Variants in HNRNPDL observed in about 807,000 individuals in gnomAD.
The protein encoded by HNRNPDL is heterogeneous nuclear ribonucleoprotein D-like.
HNRNPDL carries 18 observed loss-of-function variants against 48.0 expected under a neutral mutation model. The observed-to-expected ratio is 0.38, with a 90% CI of 0.26 to 0.56. The LOEUF (loss-of-function observed/expected upper bound fraction) is 0.56, where lower values mean the gene tolerates loss of function less well. HNRNPDL is among the 20% of genes least tolerant of loss of function. The probability of loss-of-function intolerance (pLI) is 0.77; values close to 1 mark genes in which losing one functional copy is unlikely to be tolerated. For synonymous variants in HNRNPDL, 306 were observed against 207.3 expected (o/e 1.48, Z -4.09); for missense variants, 553 against 540.7 (o/e 1.02, Z -0.23).
intron 3 of HNRNPDL, 113 bp downstream of exon 3, chr4:82,427,905 A>C (rs528875032): frequency 9.8e-7 from 1 of 1,020,130 alleles, no homozygotes; most frequent in Non-Finnish European, 1.4e-6. Flanking sequence ...CGACTTGAGC[A>C]GTCATTTAAT....
In HNRNPDL at chr4:82,422,999, T is replaced by C. The variant is rs939176129; in HGVS notation, c.*1907A>G. The C allele has an allele frequency of 2.0e-5, 3 of 152,014 alleles. No individual in the cohort carries two copies. Among genetic ancestry groups the C allele is most frequent in the Non-Finnish European group, 4.4e-5 (3 of 67,992 alleles). 9.4% of individuals were successfully genotyped at this position (152,014 alleles called of 1,614,324 possible). ...CTAGGACACTTAGCCTTAGAGTATC[T>C]GTTCAAATTTGCATCAGTTGGTGAA... On this transcript the variant is annotated 3_prime_UTR_variant, in exon 8 of 8. Transcript: ENST00000295470.
At chr4:82,429,215 G>A (rs772115142) in intron 1 of HNRNPDL, 33 bp downstream of exon 1, 65 of 1,600,558 alleles carry the variant, frequency 4.1e-5, no homozygotes, top group Non-Finnish European at 5.2e-5. Context: ...GGCGCGCTGG[G>A]GGAGGGGGAG....
Position 82,423,926 on chromosome 4 carries a change from A to C in HNRNPDL, c.*980T>G, listed in dbSNP as rs771951453. On this transcript the variant is annotated 3_prime_UTR_variant, in exon 8 of 8. Transcript: ENST00000295470. ...TAGATTTACTATCAAGACTTTTTCTAAACTCACAGAGCATTAACAGCTAAT... is the reference window on the plus strand; with the variant it reads ...TAGATTTACTATCAAGACTTTTTCTCAACTCACAGAGCATTAACAGCTAAT... 2 of 152,226 alleles carry C rather than the reference A, an allele frequency of 1.3e-5. No individual in the cohort carries two copies. Among genetic ancestry groups the C allele is most frequent in the African/African-American group, 2.4e-5 (1 of 41,472 alleles). 9.4% of individuals were successfully genotyped at this position (152,226 alleles called of 1,614,324 possible).
intron 3 of HNRNPDL, among the ~76,000 whole-genome samples, 160 bp downstream of exon 3, chr4:82,427,858 C>G (rs1351917959): frequency 2.0e-5 from 3 of 152,210 alleles, no homozygotes; most frequent in Non-Finnish European, 4.4e-5. Context: ...GGGTTTCCAT[C>G]AGAGCAGCAA....
At chr4:82,426,000 A>G in intron 7 of HNRNPDL, 37 bp downstream of exon 7, 1 of 1,245,850 alleles carries the variant, frequency 8.0e-7, no homozygotes, top group African/African-American at 1.5e-5. Flanking sequence ...AAATTAAATT[A>G]GACATTTCTA....
At chr4:82,427,914 A>G (rs897489827) in intron 3 of HNRNPDL, 104 bp downstream of exon 3, 5 of 1,153,148 alleles carry the variant, frequency 4.3e-6, no homozygotes, top group South Asian at 1.5e-5. Context: ...CAGTCATTTA[A>G]TTCTACTCTT....
chr4:82,427,080 C>A, intron 5 of HNRNPDL, 110 bp downstream of exon 5: 2 of 807,592 alleles, frequency 2.5e-6, no homozygotes, highest in Non-Finnish European at 4.3e-6. Flanking sequence ...GTCCCCCCTC[C>A]GCTGGAATGG....
At chr4:82,427,328 A>G (rs763585474) in intron 4 of HNRNPDL, 24 bp from the exon 5 acceptor site, 8 of 1,547,734 alleles carry the variant, frequency 5.2e-6, no homozygotes, top group South Asian at 1.2e-5. Context: ...ACATGAAAGT[A>G]TAATTTTTAC....
chr4:82,429,188 G>T, intron 1 of HNRNPDL, 60 bp downstream of exon 1: 1 of 1,505,074 alleles, frequency 6.6e-7, no homozygotes, highest in South Asian at 1.1e-5. Context: ...GGCTCACGAG[G>T]AACGAAGGGC....
Position 82,422,807 on chromosome 4 carries a change from T to C in HNRNPDL, c.*2099A>G, listed in dbSNP as rs1721236445. On this transcript the variant is annotated 3_prime_UTR_variant, in exon 8 of 8. Coordinates refer to ENST00000295470, the MANE Select transcript of HNRNPDL (RefSeq NM_031372.4). ...GAGGATAACATCACACAGAATTTGG[T>C]CTAAACAATGTAAAAGGCAAATACG... 6.6e-6 allele frequency: 1 copy of C among 152,322 alleles called. No homozygotes were observed. Among genetic ancestry groups the C allele is most frequent in the Non-Finnish European group, 1.5e-5 (1 of 68,030 alleles). 9.4% of individuals were successfully genotyped at this position (152,322 alleles called of 1,614,324 possible). A position where few individuals can be genotyped will look rare whatever the true frequency, so the allele number is the denominator to read the frequency against.
rs1037537699 is a variant in HNRNPDL at position 82,429,294 on chromosome 4, C to A, written c.397G>T (p.Ala133Ser). 1 of 1,613,700 alleles carries A rather than the reference C, an allele frequency of 6.2e-7. No homozygotes were observed. The highest frequency in any genetic ancestry group is 8.5e-7 in the Non-Finnish European group (1 of 1,179,936). ...CTCGCGTTGATCTTGGATCCCTCTG[C>A]GAATTCCTCTATATTGCTGTACTCG... ...MNEYSNIEEF[A>S]EGSKINASKN... Residue 133 changes from alanine (A) to serine (S), a missense_variant, in exon 1 of 8, where the codon GCA (alanine) becomes TCA (serine). This residue lies in a region of HNRNPDL where 327 missense variants were observed against 203.2 expected (regional missense o/e 1.61). Transcript: ENST00000295470.
Position 82,424,241 on chromosome 4 carries a change from T to A in HNRNPDL, c.*665A>T, listed in dbSNP as rs1463402112. 6.6e-6 allele frequency: 1 copy of A among 152,206 alleles called. No homozygotes were observed. Among genetic ancestry groups the A allele is most frequent in the Non-Finnish European group, 1.5e-5 (1 of 68,024 alleles). The allele number at this position is 152,206 out of a possible 1,614,324, so 9.4% of individuals were successfully genotyped here. ...GATTAAAGCCAAAGTAATCAGCAAT[T>A]CAAAAATGGCTTTCCAGAGACAGGA... On this transcript the variant is annotated 3_prime_UTR_variant, in exon 8 of 8. Coordinates refer to ENST00000295470, the MANE Select transcript of HNRNPDL (RefSeq NM_031372.4).
At position 82,427,322 on chromosome 4, in the gene HNRNPDL, GA is replaced by G. The variant is rs780460094; in HGVS notation, c.907-19del. 6.4e-7 allele frequency: 1 copy of G among 1,553,982 alleles called. No homozygotes were observed. The highest frequency in any genetic ancestry group is 1.4e-5 in the African/African-American group (1 of 71,914). On this transcript the variant is annotated intron_variant, in intron 4 of 7. Coordinates refer to ENST00000295470, the MANE Select transcript of HNRNPDL (RefSeq NM_031372.4). ...ATTTCACACTATAAACAAAAAACAT[GA>G]AAGTATAATTTTTACCGAAGTTCTA... is the stretch of plus-strand genomic sequence containing the variant.
At chr4:82,425,068 T>G (rs1440060711) in intron 7 of HNRNPDL, 185 bp from the exon 8 acceptor site, 1 of 152,188 alleles carries the variant, frequency 6.6e-6, no homozygotes, top group Non-Finnish European at 1.5e-5. Context: ...CCAAATGACA[T>G]TAAATTCAAA....
At chr4:82,428,497 T>G (rs1198148367) in intron 1 of HNRNPDL, 51 bp from the exon 2 acceptor site, 3 of 1,394,074 alleles carry the variant, frequency 2.2e-6, no homozygotes, top group Non-Finnish European at 3.0e-6. Context: ...CAAATGATCC[T>G]TCAGTTCTGG....
chr4:82,428,566 CAT>C, intron 1 of HNRNPDL, 120 bp from the exon 2 acceptor site: 1 of 762,554 alleles, frequency 1.3e-6, no homozygotes, highest in Non-Finnish European at 2.1e-6. Context: ...CAATTTAATT[CAT>C]GTTTACATTT....
At chr4:82,426,965 C>G (rs1721437921) in intron 5 of HNRNPDL, among the ~76,000 whole-genome samples, 1 of 152,162 alleles carries the variant, frequency 6.6e-6, no homozygotes, top group African/African-American at 2.4e-5. Flanking sequence ...CTTTTCCTAT[C>G]AGTGATGACA....
rs754208735 is a variant in HNRNPDL at position 82,429,552 on chromosome 4, G to C, written c.139C>G (p.Pro47Ala). 4 of 1,456,746 alleles carry C rather than the reference G, an allele frequency of 2.7e-6. No homozygotes were observed. Among genetic ancestry groups the C allele is most frequent in the Non-Finnish European group, 2.7e-6 (3 of 1,108,948 alleles). 90.2% of individuals were successfully genotyped at this position (1,456,746 alleles called of 1,614,324 possible). A position where few individuals can be genotyped will look rare whatever the true frequency, so the allele number is the denominator to read the frequency against. ...CGCGCCCCCTGCCGGGCGGAGCTGGGAGCGAGCGAAGGGAGGAGCGGGGCT... is the reference window on the plus strand; with the variant it reads ...CGCGCCCCCTGCCGGGCGGAGCTGGCAGCGAGCGAAGGGAGGAGCGGGGCT... ...QLAPLLPSLA[P>A]SSARQGARRA... is the part of the protein sequence containing the mutation. Residue 47 changes from proline to alanine, a missense_variant, in exon 1 of 8, where the codon CCC becomes GCC. By Grantham distance (27) the Pro-to-Ala change is conservative (BLOSUM62 -1). This residue lies in a region of HNRNPDL where 327 missense variants were observed against 203.2 expected (regional missense o/e 1.61). Coordinates refer to ENST00000295470, the MANE Select transcript of HNRNPDL (RefSeq NM_031372.4).
Position 82,427,612 on chromosome 4 carries a change from TAC to T in HNRNPDL, c.775-50_775-49del, listed in dbSNP as rs749514643. 8.2e-6 allele frequency: 13 copies of T among 1,586,398 alleles called. No individual in the cohort carries two copies. In the African/African-American group the frequency reaches 1.1e-4, roughly 13 times the overall value. ...ACGTCATCCCATAATTGTAAAACGT[TAC>T]AGTGTCAGAATGCCAAAGGCCTTTT... On this transcript the variant is annotated intron_variant, in intron 3 of 7. Transcript: ENST00000295470.
Sources: gnomAD v4.1 joint callset for allele counts (sites outside exome capture counted in the v4.1 genomes callset) on GRCh38, gnomAD v4.1.1 for gene constraint, gnomAD v4.1.1 regional missense constraint, MANE v1.5 for transcripts, NCBI Gene and HGNC (gene_info 2026-07-23, HGNC 2026-07-21) for gene names.